LOC128462377: variants seen among roughly 807,000 people sequenced by gnomAD.
chr16:89,359,694 G>C, the LOC128462377 span, among the ~76,000 whole-genome samples: 2 of 152,312 alleles, frequency 1.3e-5, no homozygotes, highest in African/African-American at 4.8e-5. Context: ...AGCAGGAACT[G>C]GGTAACTGTA....
chr16:89,380,529 G>A, the LOC128462377 span, among the ~76,000 whole-genome samples: 128 of 150,512 alleles, frequency 8.5e-4, 3 homozygotes, highest in East Asian at 0.022. Context: ...CATAAGAAAC[G>A]GGACACAGGG....
chr16:89,402,742 T>G, the LOC128462377 span, among the ~76,000 whole-genome samples: 1 of 109,302 alleles, frequency 9.1e-6, no homozygotes, highest in Non-Finnish European at 1.9e-5. Flanking sequence ...TGGGGTGAGA[T>G]AGGGGGTATC....
At chr16:89,408,097 A>G in the LOC128462377 span, among the ~76,000 whole-genome samples, 1 of 152,130 alleles carries the variant, frequency 6.6e-6, no homozygotes, top group Non-Finnish European at 1.5e-5. Flanking sequence ...CACATGTGTG[A>G]CCACTGGCCA....
chr16:89,396,888 T>C, the LOC128462377 span, among the ~76,000 whole-genome samples: 1 of 152,164 alleles, frequency 6.6e-6, no homozygotes, highest in Non-Finnish European at 1.5e-5. Context: ...GGTTTCACCA[T>C]GTTGGTCAGG....
the LOC128462377 span, among the ~76,000 whole-genome samples, chr16:89,388,946 T>C: frequency 6.6e-6 from 1 of 152,188 alleles, no homozygotes; most frequent in Non-Finnish European, 1.5e-5. Flanking sequence ...AAGCCCAAGA[T>C]GACTTACAGG....
the LOC128462377 span, among the ~76,000 whole-genome samples, chr16:89,409,089 C>A: frequency 6.6e-6 from 1 of 152,222 alleles, no homozygotes; most frequent in Admixed American, 6.5e-5. Flanking sequence ...CCAAGGGAAG[C>A]TGGGGGCCCA....
the LOC128462377 span, among the ~76,000 whole-genome samples, chr16:89,344,477 C>T: frequency 2.6e-5 from 4 of 152,278 alleles, no homozygotes; most frequent in Admixed American, 6.5e-5. Context: ...CTGTCTGAAG[C>T]GAGTGACACA....
At chr16:89,369,389 C>A in the LOC128462377 span, among the ~76,000 whole-genome samples, 1 of 152,228 alleles carries the variant, frequency 6.6e-6, no homozygotes, top group South Asian at 2.1e-4. Context: ...CATGACCCTG[C>A]CACAGGGAGG....
At chr16:89,337,287 A>G in the LOC128462377 span, among the ~76,000 whole-genome samples, 2 of 151,884 alleles carry the variant, frequency 1.3e-5, no homozygotes, top group African/African-American at 4.9e-5. Flanking sequence ...CAGAAAGGAG[A>G]GGACTTCAGG....
At chr16:89,323,415 G>T in the LOC128462377 span, 20 of 1,134,514 alleles carry the variant, frequency 1.8e-5, no homozygotes, top group South Asian at 2.2e-4. Flanking sequence ...AGGGCAGGGG[G>T]GCTGAGCCGA....
At chr16:89,408,628 G>A in the LOC128462377 span, among the ~76,000 whole-genome samples, 3 of 152,110 alleles carry the variant, frequency 2.0e-5, no homozygotes, top group Non-Finnish European at 4.4e-5. Flanking sequence ...CGTCCCAGCC[G>A]TGCCCACAGC....
chr16:89,365,108 C>A, the LOC128462377 span, among the ~76,000 whole-genome samples: 1,057 of 152,322 alleles, frequency 6.9e-3, 5 homozygotes, highest in Middle Eastern at 0.027. Context: ...ACAAGACTCT[C>A]CTTCCCTTAT....
At chr16:89,384,729 C>G in the LOC128462377 span, among the ~76,000 whole-genome samples, 1 of 152,052 alleles carries the variant, frequency 6.6e-6, no homozygotes, top group Non-Finnish European at 1.5e-5. Flanking sequence ...AATCAGGTGG[C>G]CTTTTGGTCT....
At chr16:89,384,879 C>CTTTTTTTTTTTTTTTTTTTT in the LOC128462377 span, among the ~76,000 whole-genome samples, 117 of 49,942 alleles carry the variant, frequency 2.3e-3, 19 homozygotes, top group Non-Finnish European at 2.7e-3. Flanking sequence ...AAATAGTTTT[C>CTTTTTTTTTTTTTTTTTTTT]TTTTTTTTTT....
chr16:89,373,005 A>G, the LOC128462377 span: 1 of 152,258 alleles, frequency 6.6e-6, no homozygotes, highest in African/African-American at 2.4e-5. Context: ...CAGCACCCAC[A>G]GTACGTGCGT....
chr16:89,417,456 C>T, the LOC128462377 span, among the ~76,000 whole-genome samples: 2 of 152,152 alleles, frequency 1.3e-5, no homozygotes, highest in East Asian at 3.8e-4. Flanking sequence ...GAGGACTCTG[C>T]CCTACAGCGA....
At chr16:89,382,106 G>C in the LOC128462377 span, among the ~76,000 whole-genome samples, 1 of 152,186 alleles carries the variant, frequency 6.6e-6, no homozygotes, top group Admixed American at 6.5e-5. Context: ...AACGGGCGAG[G>C]GGGACGCGGC....
the LOC128462377 span, among the ~76,000 whole-genome samples, chr16:89,320,944 C>T: frequency 2.0e-5 from 3 of 152,356 alleles, no homozygotes; most frequent in East Asian, 1.9e-4. Flanking sequence ...ACAGGAACAA[C>T]GATGGCCTGC....
the LOC128462377 span, among the ~76,000 whole-genome samples, chr16:89,317,757 T>G: frequency 6.6e-6 from 1 of 152,132 alleles, no homozygotes; most frequent in Non-Finnish European, 1.5e-5. Context: ...AATTGTATAT[T>G]ATTTTTATTT....
Sources: allele counts gnomAD v4.1 joint callset (sites outside exome capture counted in the v4.1 genomes callset), GRCh38; gene constraint gnomAD v4.1.1; transcripts MANE v1.5.